Variants in ZNF90 observed in about 807,000 individuals in gnomAD.
ZNF90 encodes zinc finger protein 90.
A neutral mutation model predicts 12.0 loss-of-function variants in ZNF90; 11 were observed. That is an observed-to-expected ratio of 0.92 (90% CI 0.58 to 1.52). The LOEUF is 1.52. Among genes scored for constraint, ZNF90 ranks in the 40% most tolerant of loss-of-function variants. The pLI, the probability that ZNF90 is intolerant of heterozygous loss-of-function variation, is 0.00. For synonymous variants in ZNF90, 232 were observed against 240.1 expected (o/e 0.97, Z 0.31); for missense variants, 765 against 711.5 (o/e 1.08, Z -0.86).
At chr19:20,093,379 G>A (rs1444547887) in intron 1 of ZNF90, among the ~76,000 whole-genome samples, 1 of 152,192 alleles carries the variant, frequency 6.6e-6, no homozygotes, top group Non-Finnish European at 1.5e-5. Flanking sequence ...GTTGAGCAGG[G>A]TAAGGGTGAT....
At position 20,078,107 on chromosome 19, in the gene ZNF90, G is replaced by A; in HGVS notation, c.-26G>A. On this transcript the variant is annotated 5_prime_UTR_variant, in exon 1 of 4. Coordinates refer to ENST00000418063, the MANE Select transcript of ZNF90 (RefSeq NM_007138.2). ...ACCTGCAGGTATTGGGAGATCCACA[G>A]CTGAGGGACCCCCGGAAGCCTAGAA... is the stretch of plus-strand genomic sequence containing the variant. The A allele has an allele frequency of 6.2e-7, 1 of 1,614,164 alleles. No individual in the cohort carries two copies. The highest frequency in any genetic ancestry group is 8.5e-7 in the Non-Finnish European group (1 of 1,180,012).
intron 1 of ZNF90, among the ~76,000 whole-genome samples, chr19:20,101,931 CA>C (rs1299599092): frequency 6.6e-6 from 1 of 152,156 alleles, no homozygotes; most frequent in Non-Finnish European, 1.5e-5. Context: ...TTATGGTAGT[CA>C]AGGGTCTCTG....
At chr19:20,078,828 A>ATAAC (rs200581035) in intron 1 of ZNF90, among the ~76,000 whole-genome samples, 1,971 of 152,226 alleles carry the variant, frequency 0.013, 16 homozygotes, top group South Asian at 0.033. Context: ...ATTAGGGCTA[A>ATAAC]TAACCCCTTC....
intron 1 of ZNF90, among the ~76,000 whole-genome samples, chr19:20,096,670 G>A (rs1405766818): frequency 6.6e-6 from 1 of 152,096 alleles, no homozygotes; most frequent in African/African-American, 2.4e-5. Context: ...GTTAAGGTGG[G>A]GCAGGGCATA....
At chr19:20,090,987 C>T (rs2088897726) in intron 1 of ZNF90, among the ~76,000 whole-genome samples, 1 of 152,062 alleles carries the variant, frequency 6.6e-6, no homozygotes, top group South Asian at 2.1e-4. Context: ...TGAGAAACTG[C>T]TTGGGTGATT....
intron 1 of ZNF90, among the ~76,000 whole-genome samples, chr19:20,098,855 TG>T (rs1401474931): frequency 6.6e-6 from 1 of 152,224 alleles, no homozygotes; most frequent in African/African-American, 2.4e-5. Context: ...GAGGTGTCTT[TG>T]GTACCCAGAT....
At chr19:20,113,908 G>A (rs575052154) in intron 3 of ZNF90, among the ~76,000 whole-genome samples, 38 of 152,182 alleles carry the variant, frequency 2.5e-4, no homozygotes, top group Middle Eastern at 6.8e-3. Context: ...TGGATTTGAA[G>A]ATAATTTCAA....
At chr19:20,113,113 A>G (rs536532992) in intron 3 of ZNF90, among the ~76,000 whole-genome samples, 26 of 151,712 alleles carry the variant, frequency 1.7e-4, no homozygotes, top group African/African-American at 6.0e-4. Context: ...TCCTGTATAA[A>G]TATTATCCCT....
chr19:20,099,200 G>A (rs946747902), intron 1 of ZNF90, among the ~76,000 whole-genome samples: 1 of 151,430 alleles, frequency 6.6e-6, no homozygotes, highest in African/African-American at 2.4e-5. Context: ...TTGAGATGGT[G>A]TCTCACTGTG....
Position 20,106,728 on chromosome 19 carries a change from C to T in ZNF90, c.226+1412C>T, listed in dbSNP as rs10414180. ...TTGGCCTCCCAAAGTGCTAGGATTACAGGCGTGAGCCACTGCGCCCGGCCC... is the reference window on the plus strand; with the variant it reads ...TTGGCCTCCCAAAGTGCTAGGATTATAGGCGTGAGCCACTGCGCCCGGCCC... On this transcript the variant is annotated intron_variant, in intron 3 of 3. Transcript: ENST00000418063. 9.9e-3 allele frequency among the ~76,000 whole-genome samples: 1,508 copies of T among 152,294 alleles called. 28 individuals carry two copies. The highest frequency in any genetic ancestry group is 0.035 in the African/African-American group (1,450 of 41,554).
intron 1 of ZNF90, among the ~76,000 whole-genome samples, chr19:20,079,307 T>A (rs374320216): frequency 1.0e-5 from 1 of 97,036 alleles, no homozygotes; most frequent in African/African-American, 8.4e-5. Flanking sequence ...AAAAGGAGGG[T>A]TTTTTTTTTT....
chr19:20,096,102 T>C (rs1390855027), intron 1 of ZNF90, among the ~76,000 whole-genome samples: 12 of 151,930 alleles, frequency 7.9e-5, no homozygotes, highest in Non-Finnish European at 1.3e-4. Flanking sequence ...AAGGGAGAGA[T>C]TGAAGTGTGG....
At chr19:20,095,999 C>T (rs1361835188) in intron 1 of ZNF90, among the ~76,000 whole-genome samples, 2 of 152,206 alleles carry the variant, frequency 1.3e-5, no homozygotes. Flanking sequence ...AGGCTGCCTT[C>T]CCAGTCCGTG....
chr19:20,098,821 G>C (rs1381456340), intron 1 of ZNF90, among the ~76,000 whole-genome samples: 1 of 152,178 alleles, frequency 6.6e-6, no homozygotes, highest in African/African-American at 2.4e-5. Flanking sequence ...GAGTCATCCT[G>C]TGTTTGTTCC....
In ZNF90 at chr19:20,119,830, C is replaced by G. The variant is rs1040113390; in HGVS notation, c.*470C>G. On this transcript the variant is annotated 3_prime_UTR_variant, in exon 4 of 4. Coordinates refer to ENST00000418063, the MANE Select transcript of ZNF90 (RefSeq NM_007138.2). ...GGCTGGTCTCCAACTGTGATTCACACACCTTGGCCTCCTAAAATGCTGGGA... is the reference window on the plus strand; with the variant it reads ...GGCTGGTCTCCAACTGTGATTCACAGACCTTGGCCTCCTAAAATGCTGGGA... 1 of 157,170 alleles carries G rather than the reference C, an allele frequency of 6.4e-6. No individual in the cohort carries two copies. Among genetic ancestry groups the G allele is most frequent in the Non-Finnish European group, 1.4e-5 (1 of 71,328 alleles). 9.7% of individuals were successfully genotyped at this position (157,170 alleles called of 1,614,324 possible).
At chr19:20,106,647 G>A (rs568896731) in intron 3 of ZNF90, among the ~76,000 whole-genome samples, 36 of 152,304 alleles carry the variant, frequency 2.4e-4, no homozygotes, top group African/African-American at 8.2e-4. Flanking sequence ...TAGACACGGG[G>A]TTTCACCGTG....
rs781942435 is a variant in ZNF90 at position 20,119,304 on chromosome 19, A to G, written c.1750A>G (p.Lys584Glu). Residue 584 changes from lysine to glutamate, a missense_variant, in exon 4 of 4, where the codon AAG becomes GAG. By Grantham distance (56) the Lys-to-Glu change is moderately conservative (BLOSUM62 1). Transcript: ENST00000418063. ...FNLSSDLNTH[K>E]RIHIGQKAYI... ...CTTGTCCTCAGACCTTAATACACAT[A>G]AGAGGATTCATATTGGACAGAAAGC... 7.5e-6 allele frequency: 12 copies of G among 1,610,462 alleles called. No individual in the cohort carries two copies. Among genetic ancestry groups the G allele is most frequent in the East Asian group, 4.5e-5 (2 of 44,756 alleles).
intron 1 of ZNF90, among the ~76,000 whole-genome samples, chr19:20,100,309 G>T (rs1421710072): frequency 6.6e-6 from 1 of 152,152 alleles, no homozygotes; most frequent in African/African-American, 2.4e-5. Flanking sequence ...ATTATTTACT[G>T]GACCAAGCCT....
chr19:20,083,502 T>G (rs1315391888), intron 1 of ZNF90, among the ~76,000 whole-genome samples: 2 of 151,886 alleles, frequency 1.3e-5, no homozygotes, highest in African/African-American at 4.8e-5. Flanking sequence ...TAATTTTGTG[T>G]TTTTAGTAGC....
Sources: allele counts gnomAD v4.1 joint callset (sites outside exome capture counted in the v4.1 genomes callset), GRCh38; gene constraint gnomAD v4.1.1; transcripts MANE v1.5; gene names NCBI Gene and HGNC (gene_info 2026-07-23, HGNC 2026-07-21).